The following TLK1 variants were observed in gnomAD, a reference collection of about 807,000 sequenced individuals.
TLK1 encodes serine/threonine-protein kinase tousled-like 1.
Under a neutral mutation model 105.3 loss-of-function variants are expected in TLK1, and 24 were observed. The observed-to-expected ratio is 0.23, with a 90% CI of 0.17 to 0.32. TLK1 has a LOEUF of 0.32. Ranked by LOEUF, TLK1 falls within the 10% of genes least tolerant of loss-of-function variation. TLK1 has a pLI of 1.00. For synonymous variants in TLK1, 321 were observed against 310.4 expected, an observed-to-expected ratio of 1.03 and a Z score of -0.36; for missense variants, 558 against 910.5, an observed-to-expected ratio of 0.61 and a Z score of 4.98.
chr2:171,013,896 A>G (rs1458416743), intron 13 of TLK1, among the ~76,000 whole-genome samples: 1 of 152,124 alleles, frequency 6.6e-6, no homozygotes, highest in Admixed American at 6.5e-5. Flanking sequence ...CTTAATTTCT[A>G]CTTCTATGTC....
At chr2:171,215,367 C>G (rs1693694231) in intron 1 of TLK1, among the ~76,000 whole-genome samples, 1 of 152,190 alleles carries the variant, frequency 6.6e-6, no homozygotes, top group Non-Finnish European at 1.5e-5. Flanking sequence ...AAATACAGAA[C>G]AGAGTGCTCT....
intron 1 of TLK1, among the ~76,000 whole-genome samples, chr2:171,135,184 T>C (rs1391296096): frequency 4.6e-5 from 7 of 152,098 alleles, no homozygotes; most frequent in African/African-American, 9.7e-5. Context: ...AATAATGATA[T>C]ATGACATGTA....
chr2:171,217,590 A>G (rs367776324), intron 1 of TLK1, among the ~76,000 whole-genome samples: 1 of 152,232 alleles, frequency 6.6e-6, no homozygotes. Context: ...GAGGGCTTGG[A>G]TAATTGAGAG....
chr2:171,105,358 A>G (rs1293236478), intron 2 of TLK1, among the ~76,000 whole-genome samples: 1 of 152,228 alleles, frequency 6.6e-6, no homozygotes, highest in East Asian at 1.9e-4. Context: ...AGAAGTAACC[A>G]TACAAAAACC....
At chr2:171,135,408 T>A (rs1691273853) in intron 1 of TLK1, among the ~76,000 whole-genome samples, 1 of 151,548 alleles carries the variant, frequency 6.6e-6, no homozygotes, top group African/African-American at 2.4e-5. Context: ...AAATATTAAT[T>A]GAGCTAGGCA....
At chr2:171,031,989 G>A (rs756661547) in intron 11 of TLK1, among the ~76,000 whole-genome samples, 9 of 152,112 alleles carry the variant, frequency 5.9e-5, no homozygotes, top group Non-Finnish European at 1.2e-4. Flanking sequence ...TCAGGAGGCC[G>A]AGGCATGAGA....
At chr2:171,057,401 A>AAAAT (rs1687552898) in intron 5 of TLK1, among the ~76,000 whole-genome samples, 1 of 152,034 alleles carries the variant, frequency 6.6e-6, no homozygotes, top group African/African-American at 2.4e-5. Context: ...TTTAGCACAT[A>AAAAT]GTAGGCATTC....
At chr2:171,115,482 T>C (rs1179715311) in intron 2 of TLK1, among the ~76,000 whole-genome samples, 1 of 152,108 alleles carries the variant, frequency 6.6e-6, no homozygotes, top group Non-Finnish European at 1.5e-5. Flanking sequence ...CTTTTAAGAA[T>C]ATTTTTGAAA....
In TLK1 at chr2:171,177,989, T is replaced by C. The variant is rs1162192884; in HGVS notation, c.-6+53156A>G. Among the ~76,000 whole-genome samples the C allele has an allele frequency of 2.0e-5, 3 of 151,962 alleles. No individual in the cohort carries two copies. In the South Asian group the frequency reaches 6.2e-4, roughly 32 times the overall value. The stretch of plus-strand genomic sequence containing the variant: ...TGTATTTTTTAGTAGAGACGGGGTT[T>C]CTCCATGTTGGCCAGGCTGGTCCCC... On this transcript the variant is annotated intron_variant, in intron 1 of 20. Transcript: ENST00000521943.
intron 18 of TLK1, among the ~76,000 whole-genome samples, chr2:170,998,355 A>G (rs1274182855): frequency 6.6e-6 from 1 of 152,124 alleles, no homozygotes; most frequent in Non-Finnish European, 1.5e-5. Flanking sequence ...ATCTGGCAAC[A>G]ACATACATTT....
intron 1 of TLK1, among the ~76,000 whole-genome samples, chr2:171,159,126 C>T (rs1003681403): frequency 6.6e-6 from 1 of 152,198 alleles, no homozygotes; most frequent in African/African-American, 2.4e-5. Flanking sequence ...AAATAAAGTA[C>T]TCGCACCGAT....
At position 171,013,040 on chromosome 2, in the gene TLK1, C is replaced by CT. The variant is rs539424973; in HGVS notation, c.1335-1587dup. Among the ~76,000 whole-genome samples the CT allele has an allele frequency of 5.9e-4, 89 of 150,264 alleles. No homozygotes were observed. The South Asian group carries it at 7.4e-3, about 12-fold the overall frequency. On this transcript the variant is annotated intron_variant, in intron 13 of 20. Coordinates refer to ENST00000431350, the MANE Select transcript of TLK1 (RefSeq NM_012290.5). Reference sequence around the variant, plus strand: ...TTTTTTTTTTGGAGACAGAGTCTCACTTTTTTTTAAGACAGTCTTGCTCTG... The same window carrying CT: ...TTTTTTTTTTGGAGACAGAGTCTCACTTTTTTTTTAAGACAGTCTTGCTCTG...
chr2:171,006,137 A>C lies in TLK1; in HGVS notation c.1904+10T>G. On this transcript the variant is annotated intron_variant, in intron 18 of 20. Coordinates refer to ENST00000431350, the MANE Select transcript of TLK1 (RefSeq NM_012290.5). ...TCTAGACATTCTGATGTTTTTAGTA[A>C]TACACTTACCAGTAAGTGCCTGCCC... 6.4e-7 allele frequency: 1 copy of C among 1,567,402 alleles called. No homozygotes were observed. The highest frequency in any genetic ancestry group is 8.6e-7 in the Non-Finnish European group (1 of 1,162,312).
At chr2:171,025,933 A>G (rs1323253748) in intron 12 of TLK1, among the ~76,000 whole-genome samples, 5 of 152,140 alleles carry the variant, frequency 3.3e-5, no homozygotes, top group Admixed American at 2.0e-4. Context: ...TTTCTTTATA[A>G]TACACTCATT....
chr2:171,037,685 A>G (rs768012741), intron 11 of TLK1, among the ~76,000 whole-genome samples: 1 of 152,166 alleles, frequency 6.6e-6, no homozygotes. Flanking sequence ...TCTATAACCA[A>G]CCTTGCACAT....
chr2:171,028,465 T>A, intron 11 of TLK1, 60 bp from the exon 12 acceptor site: 1 of 1,135,418 alleles, frequency 8.8e-7, no homozygotes, highest in Non-Finnish European at 1.3e-6. Flanking sequence ...TATTAACAAC[T>A]AGCAAAATAT....
chr2:171,060,584 C>CA (rs1687706274), intron 4 of TLK1, among the ~76,000 whole-genome samples: 1 of 152,104 alleles, frequency 6.6e-6, no homozygotes, highest in Admixed American at 6.5e-5. Flanking sequence ...TAAATGACAA[C>CA]ACTATTTTTC....
intron 2 of TLK1, among the ~76,000 whole-genome samples, chr2:171,088,326 T>C (rs1689072218): frequency 1.3e-5 from 2 of 151,246 alleles, no homozygotes; most frequent in South Asian, 2.2e-4. Flanking sequence ...AGACCCTGTA[T>C]CAAAAACACC....
intron 1 of TLK1, among the ~76,000 whole-genome samples, chr2:171,146,080 T>C (rs1016692114): frequency 1.3e-5 from 2 of 152,142 alleles, no homozygotes; most frequent in South Asian, 2.1e-4. Flanking sequence ...ATATAAAATT[T>C]AGAAATAAAA....
Sources: allele counts gnomAD v4.1 joint callset (sites outside exome capture counted in the v4.1 genomes callset), GRCh38; gene constraint gnomAD v4.1.1; transcripts MANE v1.5; gene names NCBI Gene and HGNC (gene_info 2026-07-23, HGNC 2026-07-21).